COPS2: variants seen among roughly 807,000 people sequenced by gnomAD.
COPS2 encodes COP9 signalosome subunit 2, also known as COP9 signalosome complex subunit 2.
A neutral mutation model predicts 66.1 loss-of-function variants in COPS2; 10 were observed. The observed-to-expected ratio is 0.15, with a 90% CI of 0.09 to 0.26. The LOEUF (loss-of-function observed/expected upper bound fraction) is 0.26, where lower values mean the gene tolerates loss of function less well. COPS2 is among the 10% of genes least tolerant of loss of function. The probability of loss-of-function intolerance (pLI) is 1.00; values close to 1 mark genes in which losing one functional copy is unlikely to be tolerated. For synonymous variants in COPS2, 179 were observed against 171.3 expected (o/e 1.04, Z -0.35); for missense variants, 215 against 513.3 (o/e 0.42, Z 5.62).
chr15:49,142,297 T>C (rs1158790005), intron 3 of COPS2, among the ~76,000 whole-genome samples: 1 of 152,194 alleles, frequency 6.6e-6, no homozygotes, highest in Admixed American at 6.5e-5. Context: ...TGTTCTGATG[T>C]ATTTTGGGGA....
chr15:49,151,399 CAA>C (rs35587443), intron 1 of COPS2, among the ~76,000 whole-genome samples: 113 of 114,204 alleles, frequency 9.9e-4, no homozygotes, highest in Middle Eastern at 4.5e-3. Context: ...AACTCTGTCT[CAA>C]AAAAAAAAAA....
intron 1 of COPS2, among the ~76,000 whole-genome samples, chr15:49,148,294 GTAATA>G (rs60767317): frequency 6.8e-4 from 103 of 151,884 alleles, no homozygotes; most frequent in Non-Finnish European, 8.7e-4. Flanking sequence ...AAACAAAACC[GTAATA>G]TAATATAATA....
At chr15:49,132,841 G>A (rs944136756) in intron 9 of COPS2, among the ~76,000 whole-genome samples, 6 of 151,876 alleles carry the variant, frequency 4.0e-5, no homozygotes, top group East Asian at 1.9e-4. Flanking sequence ...TAATTTTGTC[G>A]AATATTAATT....
chr15:49,155,547 T>G lies in COPS2; in HGVS notation c.32A>C (p.Asp11Ala). The change falls in exon 1 of 13, where the codon GAT becomes GCT. Residue 11 changes from aspartate (D) to alanine (A), a missense_variant. This residue lies in a region of COPS2 where 27 missense variants were observed against 21.5 expected (regional missense o/e 1.25). Transcript: ENST00000388901. The stretch of plus-strand genomic sequence containing the variant: ...CACCAGGTCGTAGTCCTCCTCATCA[T>G]CGCACATGAAATCATCCTCCATGTC... MSDMEDDFMC[D>A]DEEDYDLEYS... is the part of the protein sequence containing the mutation. 1 of 1,614,158 alleles carries G rather than the reference T, an allele frequency of 6.2e-7. No homozygotes were observed. Among genetic ancestry groups the G allele is most frequent in the Non-Finnish European group, 8.5e-7 (1 of 1,180,018 alleles).
intron 9 of COPS2, 81 bp from the exon 10 acceptor site, chr15:49,130,897 T>C: frequency 1.6e-6 from 1 of 633,898 alleles, no homozygotes; most frequent in South Asian, 2.4e-5. Context: ...ACCCTGCTTC[T>C]CAACTTTCAT....
At chr15:49,135,377 T>C (rs1234239648) in intron 6 of COPS2, among the ~76,000 whole-genome samples, 1 of 152,120 alleles carries the variant, frequency 6.6e-6, no homozygotes, top group Non-Finnish European at 1.5e-5. Context: ...GGGTCTGTCA[T>C]GGGGAAATAC....
At chr15:49,150,113 C>A (rs1046326915) in intron 1 of COPS2, among the ~76,000 whole-genome samples, 5 of 151,770 alleles carry the variant, frequency 3.3e-5, no homozygotes, top group Non-Finnish European at 1.5e-5. Flanking sequence ...CATGGAGAAA[C>A]CCTGTCTCTA....
chr15:49,135,385 T>C (rs2084243814), intron 6 of COPS2, among the ~76,000 whole-genome samples: 1 of 152,130 alleles, frequency 6.6e-6, no homozygotes, highest in African/African-American at 2.4e-5. Flanking sequence ...CATGGGGAAA[T>C]ACAAAGTTAA....
intron 1 of COPS2, among the ~76,000 whole-genome samples, chr15:49,152,294 G>A (rs970717373): frequency 2.0e-5 from 3 of 150,104 alleles, no homozygotes; most frequent in Non-Finnish European, 3.0e-5. Context: ...TTAAATATAT[G>A]ATTTAAGGAA....
At chr15:49,152,173 A>AT (rs2084367271) in intron 1 of COPS2, among the ~76,000 whole-genome samples, 1 of 147,128 alleles carries the variant, frequency 6.8e-6, no homozygotes, top group Non-Finnish European at 1.5e-5. Context: ...ACTAAGAAAC[A>AT]TAAAAAAAAA....
intron 1 of COPS2, among the ~76,000 whole-genome samples, chr15:49,153,865 T>C (rs1199823672): frequency 2.0e-5 from 3 of 151,942 alleles, no homozygotes; most frequent in African/African-American, 7.3e-5. Context: ...AGTAGAATGA[T>C]AGGAAGGGTG....
At chr15:49,129,320 A>AG (rs1839244061) in intron 11 of COPS2, among the ~76,000 whole-genome samples, 157 bp downstream of exon 11, 1 of 151,446 alleles carries the variant, frequency 6.6e-6, no homozygotes, top group Non-Finnish European at 1.5e-5. Flanking sequence ...AAAAAAAAAA[A>AG]TGATTAAAAG....
chr15:49,152,024 T>A (rs2084365478), intron 1 of COPS2, among the ~76,000 whole-genome samples: 1 of 151,972 alleles, frequency 6.6e-6, no homozygotes. Context: ...ATGCTGAGTA[T>A]CACTGTGGTC....
At chr15:49,151,660 T>C (rs1014147265) in intron 1 of COPS2, among the ~76,000 whole-genome samples, 6 of 152,078 alleles carry the variant, frequency 3.9e-5, no homozygotes, top group East Asian at 1.9e-4. Flanking sequence ...AAAATTAGCA[T>C]TGCATTAAAT....
intron 3 of COPS2, among the ~76,000 whole-genome samples, chr15:49,140,624 T>C (rs1320441381): frequency 3.9e-5 from 6 of 152,220 alleles, no homozygotes; most frequent in African/African-American, 1.4e-4. Flanking sequence ...AGACTTATTC[T>C]GGGAGAGGTT....
intron 11 of COPS2, among the ~76,000 whole-genome samples, chr15:49,129,204 A>AG (rs1417549515): frequency 2.6e-5 from 4 of 152,138 alleles, no homozygotes; most frequent in Non-Finnish European, 5.9e-5. Flanking sequence ...CTGAGGTAGG[A>AG]GGACTGCCTG....
chr15:49,153,703 T>C (rs1250589304), intron 1 of COPS2, among the ~76,000 whole-genome samples: 6 of 152,232 alleles, frequency 3.9e-5, no homozygotes, highest in Non-Finnish European at 1.5e-5. Flanking sequence ...GGAATATTAT[T>C]TGACTATAAA....
At chr15:49,134,597 TATA>T in intron 6 of COPS2, 83 bp from the exon 7 acceptor site, 1 of 1,085,134 alleles carries the variant, frequency 9.2e-7, no homozygotes, top group South Asian at 1.6e-5. Flanking sequence ...ATCTTACATT[TATA>T]ATACTATTTC....
chr15:49,154,011 T>A (rs1454440894), intron 1 of COPS2, among the ~76,000 whole-genome samples: 1 of 152,168 alleles, frequency 6.6e-6, no homozygotes, highest in Non-Finnish European at 1.5e-5. Context: ...ATTTTATATT[T>A]CAAAATATCT....
Sources: gnomAD v4.1 joint callset for allele counts (sites outside exome capture counted in the v4.1 genomes callset) on GRCh38, gnomAD v4.1.1 for gene constraint, gnomAD v4.1.1 regional missense constraint, MANE v1.5 for transcripts, NCBI Gene and HGNC (gene_info 2026-07-23, HGNC 2026-07-21) for gene names.